Variants in COA1 observed in about 807,000 individuals in gnomAD.
COA1 encodes cytochrome c oxidase assembly factor 1, also known as cytochrome c oxidase assembly factor 1 homolog.
Under a neutral mutation model 16.0 loss-of-function variants are expected in COA1, and 13 were observed. The observed-to-expected ratio is 0.81, with a 90% confidence interval of 0.53 to 1.29. COA1 has a LOEUF of 1.29. Ranked by LOEUF, COA1 falls within the 50% of genes most tolerant of loss-of-function variation. COA1 has a pLI of 0.00. For missense variants in COA1, 179 were observed against 177.0 expected, an observed-to-expected ratio of 1.01 and a Z score of -0.06; for synonymous variants, 65 against 65.7, an observed-to-expected ratio of 0.99 and a Z score of 0.05.
At chr7:43,679,017 G>A (rs192123098) in intron 1 of COA1, among the ~76,000 whole-genome samples, 4 of 152,064 alleles carry the variant, frequency 2.6e-5, no homozygotes, top group African/African-American at 7.2e-5. Flanking sequence ...GGTGGCTCAC[G>A]CCTGTAATCC....
intron 1 of COA1, among the ~76,000 whole-genome samples, chr7:43,691,068 A>C (rs2094260756): frequency 2.2e-5 from 3 of 137,204 alleles, no homozygotes; most frequent in South Asian, 4.9e-4. Context: ...AAAAAAAAAA[A>C]AAAAAAAAAC....
intron 1 of COA1, among the ~76,000 whole-genome samples, chr7:43,695,932 G>T (rs2094512785): frequency 1.3e-5 from 2 of 152,206 alleles, no homozygotes; most frequent in South Asian, 4.1e-4. Flanking sequence ...TATTGTATTA[G>T]TCCATTTTCA....
chr7:43,677,800 TAAAAAA>T (rs11310207), intron 1 of COA1, among the ~76,000 whole-genome samples: 23 of 116,782 alleles, frequency 2.0e-4, no homozygotes, highest in South Asian at 5.9e-4. Flanking sequence ...GGCTCTGTCT[TAAAAAA>T]AAAAAAAAAA....
At chr7:43,659,304 A>C (rs988871633) in intron 1 of COA1, among the ~76,000 whole-genome samples, 6 of 152,242 alleles carry the variant, frequency 3.9e-5, no homozygotes, top group African/African-American at 1.4e-4. Context: ...AAAAAACTTG[A>C]GCATTGAAAA....
chr7:43,715,899 T>C (rs936690632), intron 1 of COA1, among the ~76,000 whole-genome samples: 15 of 152,174 alleles, frequency 9.9e-5, no homozygotes, highest in African/African-American at 3.6e-4. Flanking sequence ...TTTCCGATAG[T>C]GAATAGCCTC....
chr7:43,680,518 A>G (rs949064162), intron 1 of COA1, among the ~76,000 whole-genome samples: 1 of 152,240 alleles, frequency 6.6e-6, no homozygotes, highest in Non-Finnish European at 1.5e-5. Flanking sequence ...ACTGACTTCT[A>G]TATCATTAGA....
At chr7:43,692,784 G>T (rs2094416616) in intron 1 of COA1, among the ~76,000 whole-genome samples, 1 of 151,956 alleles carries the variant, frequency 6.6e-6, no homozygotes, top group Non-Finnish European at 1.5e-5. Context: ...AGATCCAAAG[G>T]ACCAATAAAC....
chr7:43,703,852 G>A (rs2094859127), intron 1 of COA1, among the ~76,000 whole-genome samples: 2 of 152,174 alleles, frequency 1.3e-5, no homozygotes, highest in Admixed American at 6.5e-5. Flanking sequence ...ATTGCTATGT[G>A]AGAATTTCAT....
At chr7:43,664,707 A>G (rs1029428104) in intron 1 of COA1, among the ~76,000 whole-genome samples, 8 of 152,284 alleles carry the variant, frequency 5.3e-5, no homozygotes, top group Admixed American at 5.2e-4. Flanking sequence ...TAATCATGCC[A>G]CCATACTCCA....
intron 1 of COA1, among the ~76,000 whole-genome samples, chr7:43,720,717 C>T (rs920602619): frequency 3.9e-5 from 6 of 152,190 alleles, no homozygotes; most frequent in Non-Finnish European, 1.5e-5. Flanking sequence ...CTGGATATTA[C>T]TCAGGAGCCT....
intron 6 of COA1, among the ~76,000 whole-genome samples, chr7:43,616,399 CTTCCA>C (rs886787647): frequency 6.6e-6 from 1 of 152,260 alleles, no homozygotes; most frequent in African/African-American, 2.4e-5. Flanking sequence ...AGTTATGTTT[CTTCCA>C]TTCATTCACC....
intron 1 of COA1, among the ~76,000 whole-genome samples, chr7:43,663,410 T>C (rs2092622531): frequency 6.6e-6 from 1 of 152,158 alleles, no homozygotes; most frequent in Admixed American, 6.5e-5. Context: ...TATTTGTCAA[T>C]CCTTGTGACA....
At chr7:43,720,929 C>A (rs1462373711) in intron 1 of COA1, among the ~76,000 whole-genome samples, 5 of 152,244 alleles carry the variant, frequency 3.3e-5, no homozygotes, top group Non-Finnish European at 5.9e-5. Flanking sequence ...AATCAGGATG[C>A]TGGCAATTAG....
At chr7:43,657,140 T>C (rs2091848498) in intron 1 of COA1, 1 of 152,266 alleles carries the variant, frequency 6.6e-6, no homozygotes, top group Non-Finnish European at 1.5e-5. Context: ...GTATGTGTTA[T>C]CTGTGGCGAT....
At chr7:43,609,285 C>A (rs1324714864) in exon 7 of COA1, 1 of 152,254 alleles carries the variant, frequency 6.6e-6, no homozygotes, top group African/African-American at 2.4e-5. Context: ...ACAGCTCTGT[C>A]CAAAGTTCTG....
downstream of COA1, among the ~76,000 whole-genome samples, chr7:43,634,405 C>T (rs917939618): frequency 1.3e-5 from 2 of 152,182 alleles, no homozygotes; most frequent in African/African-American, 4.8e-5. Flanking sequence ...CCTTTGAATA[C>T]AGGCAGGGGG....
intron 1 of COA1, among the ~76,000 whole-genome samples, chr7:43,701,581 ATG>A (rs1259482754): frequency 6.6e-6 from 1 of 152,206 alleles, no homozygotes; most frequent in African/African-American, 2.4e-5. Context: ...GTACAAATGT[ATG>A]TGTCTTCTTG....
Position 43,640,615 on chromosome 7 carries a change from C to A in COA1, c.299G>T (p.Gly100Val), listed in dbSNP as rs1398093956. ...KIPVSGSKSE[G>V]LLYVHSSRGG... is the part of the protein sequence containing the mutation. ...TCTGGATGAGTGGACGTAGAGAAGG[C>A]CCTCTGATTTGGATCCAGAGACAGG... is the stretch of plus-strand genomic sequence containing the variant. Residue 100 changes from glycine (G) to valine (V), a missense_variant, in exon 5 of 6, where the codon GGC becomes GTC. Gly to Val is a moderately radical substitution (Grantham distance 109). Transcript: ENST00000223336. 4 of 1,607,978 alleles carry A rather than the reference C, an allele frequency of 2.5e-6. No individual in the cohort carries two copies. Among genetic ancestry groups the A allele is most frequent in the Non-Finnish European group, 3.4e-6 (4 of 1,177,592 alleles).
intron 1 of COA1, among the ~76,000 whole-genome samples, chr7:43,728,136 G>A (rs373042414): frequency 1.5e-3 from 234 of 152,090 alleles, no homozygotes; most frequent in East Asian, 6.4e-3. Flanking sequence ...CACCACGCCC[G>A]GCTAATTTTT....
Sources: allele counts gnomAD v4.1 joint callset (sites outside exome capture counted in the v4.1 genomes callset), GRCh38; gene constraint gnomAD v4.1.1; transcripts MANE v1.5; gene names NCBI Gene and HGNC (gene_info 2026-07-23, HGNC 2026-07-21).